Variants in KLF12 observed in about 807,000 individuals in gnomAD.
KLF12 encodes the protein Krueppel-like factor 12.
KLF12 carries 9 observed loss-of-function variants against 37.8 expected under a neutral mutation model. The ratio of observed to expected loss-of-function variants is 0.24; its 90% confidence interval spans 0.14 to 0.42. The LOEUF (loss-of-function observed/expected upper bound fraction) is 0.42, where lower values mean the gene tolerates loss of function less well. KLF12 is among the 10% of genes least tolerant of loss of function. The pLI is 1.00. For missense variants in KLF12, 411 were observed against 516.0 expected, an observed-to-expected ratio of 0.80 and a Z score of 1.97; for synonymous variants, 208 against 202.1, an observed-to-expected ratio of 1.03 and a Z score of -0.25.
chr13:74,120,168 A>G (rs1248634092), intron 1 of KLF12, among the ~76,000 whole-genome samples: 4 of 152,210 alleles, frequency 2.6e-5, no homozygotes, highest in Non-Finnish European at 5.9e-5. Flanking sequence ...TGTCATTCCC[A>G]GCAGATTGCA....
intron 5 of KLF12, among the ~76,000 whole-genome samples, chr13:73,787,979 C>T (rs1238700018): frequency 6.6e-6 from 1 of 151,964 alleles, no homozygotes; most frequent in Admixed American, 6.6e-5. Flanking sequence ...TTGTAATAGA[C>T]TGTATTTAAT....
At chr13:73,845,590 C>G (rs1884969164) in intron 4 of KLF12, among the ~76,000 whole-genome samples, 1 of 152,154 alleles carries the variant, frequency 6.6e-6, no homozygotes, top group Non-Finnish European at 1.5e-5. Flanking sequence ...TCTAACATTA[C>G]GTGACCTATG....
At chr13:74,133,312 C>G (rs548284177) in intron 1 of KLF12, among the ~76,000 whole-genome samples, 2 of 152,024 alleles carry the variant, frequency 1.3e-5, no homozygotes, top group African/African-American at 2.4e-5. Flanking sequence ...ACTACTTCCA[C>G]GAGCCCCCCC....
At chr13:73,870,490 T>C (rs918593368) in intron 3 of KLF12, among the ~76,000 whole-genome samples, 2 of 152,208 alleles carry the variant, frequency 1.3e-5, no homozygotes, top group Non-Finnish European at 2.9e-5. Flanking sequence ...TATTCTGACA[T>C]AGAGATAAAA....
intron 5 of KLF12, among the ~76,000 whole-genome samples, chr13:73,806,508 T>G (rs1882636620): frequency 6.6e-6 from 1 of 151,978 alleles, no homozygotes; most frequent in Non-Finnish European, 1.5e-5. Context: ...GAAATACAGG[T>G]GTGCACCACA....
intron 2 of KLF12, among the ~76,000 whole-genome samples, chr13:73,980,976 G>A (rs541768569): frequency 4.6e-5 from 7 of 151,990 alleles, no homozygotes; most frequent in African/African-American, 1.5e-4. Flanking sequence ...CCTGGGCAAC[G>A]TGGCAAAACC....
the KLF12 span, among the ~76,000 whole-genome samples, chr13:74,213,385 G>A: frequency 6.6e-6 from 1 of 152,028 alleles, no homozygotes; most frequent in Admixed American, 6.6e-5. Flanking sequence ...ACTTCAGGAA[G>A]CTCTTTTTTA....
rs534781041 is a variant in KLF12 at position 73,859,900 on chromosome 13, ATGTAAT to A, written c.124-13533_124-13528del. Reference sequence around the variant, plus strand: ...AAGCAGAAAAATCAGCTCACCACAAATGTAATTTCTTTTCTTCCTTTCCTTTCAAGC... The same window carrying A: ...AAGCAGAAAAATCAGCTCACCACAAATTCTTTTCTTCCTTTCCTTTCAAGC... On this transcript the variant is annotated intron_variant, in intron 3 of 7. Coordinates refer to ENST00000377669, the MANE Select transcript of KLF12 (RefSeq NM_007249.5). Among the ~76,000 whole-genome samples the A allele has an allele frequency of 2.9e-3, 442 of 152,224 alleles. 3 individuals are homozygous for A. Among genetic ancestry groups the A allele is most frequent in the African/African-American group, 0.01 (424 of 41,542 alleles).
upstream of KLF12, among the ~76,000 whole-genome samples, chr13:74,138,929 T>C (rs1051389021): frequency 5.9e-5 from 9 of 152,224 alleles, no homozygotes; most frequent in Non-Finnish European, 1.3e-4. Context: ...CTGTCTTCTC[T>C]GGAATCCTCT....
At chr13:74,237,267 T>C in the KLF12 span, among the ~76,000 whole-genome samples, 52,627 of 127,574 alleles carry the variant, frequency 0.41, 11,470 homozygotes, top group East Asian at 0.69. Flanking sequence ...TGCGGCGTTA[T>C]TTCTGAGGGC....
intron 3 of KLF12, among the ~76,000 whole-genome samples, chr13:73,935,406 GT>G (rs929518553): frequency 3.7e-4 from 57 of 152,090 alleles, no homozygotes; most frequent in Non-Finnish European, 6.0e-4. Flanking sequence ...TGGTTTGGAA[GT>G]TTTTTTCCCC....
Position 73,911,337 on chromosome 13 carries a change from G to T in KLF12, c.123+32644C>A, listed in dbSNP as rs532417126. Among the ~76,000 whole-genome samples the T allele has an allele frequency of 6.6e-5, 10 of 152,226 alleles. No homozygotes were observed. The South Asian group carries it at 2.1e-3, about 32-fold the overall frequency. ...TGAAAATATTTATTCAAATTTCATGGCTATTAAAATTAAAAAGTTTCATTA... is the reference window on the plus strand; with the variant it reads ...TGAAAATATTTATTCAAATTTCATGTCTATTAAAATTAAAAAGTTTCATTA... On this transcript the variant is annotated intron_variant, in intron 3 of 7. Coordinates refer to ENST00000377669, the MANE Select transcript of KLF12 (RefSeq NM_007249.5).
the KLF12 span, among the ~76,000 whole-genome samples, chr13:74,241,612 C>T: frequency 3.9e-5 from 6 of 152,188 alleles, no homozygotes; most frequent in African/African-American, 9.7e-5. Flanking sequence ...ACTCCGTGGG[C>T]GTAGGACCCT....
At chr13:74,068,905 C>G (rs1874069938) in intron 1 of KLF12, among the ~76,000 whole-genome samples, 1 of 152,184 alleles carries the variant, frequency 6.6e-6, no homozygotes, top group South Asian at 2.1e-4. Flanking sequence ...TTATACTCCT[C>G]TATCTTTTAA....
intron 1 of KLF12, among the ~76,000 whole-genome samples, chr13:74,035,412 C>A (rs1382075223): frequency 6.6e-6 from 1 of 152,172 alleles, no homozygotes; most frequent in Non-Finnish European, 1.5e-5. Context: ...GTTATCTGCA[C>A]CACTGCAAGA....
At chr13:74,079,702 T>C (rs1182464023) in intron 1 of KLF12, among the ~76,000 whole-genome samples, 1 of 152,144 alleles carries the variant, frequency 6.6e-6, no homozygotes, top group Non-Finnish European at 1.5e-5. Context: ...CTCACACCTA[T>C]TAGGATGGCT....
chr13:73,704,480 T>C (rs1475160679), intron 7 of KLF12, among the ~76,000 whole-genome samples: 1 of 152,184 alleles, frequency 6.6e-6, no homozygotes, highest in Non-Finnish European at 1.5e-5. Flanking sequence ...GATAATTACA[T>C]CTGCCAGTTC....
At chr13:74,114,922 G>A (rs1877199374) in intron 1 of KLF12, among the ~76,000 whole-genome samples, 1 of 152,142 alleles carries the variant, frequency 6.6e-6, no homozygotes, top group South Asian at 2.1e-4. Context: ...AACCCCCGGG[G>A]CCATGGACCA....
At chr13:73,864,987 C>T (rs539048755) in intron 3 of KLF12, among the ~76,000 whole-genome samples, 2 of 151,980 alleles carry the variant, frequency 1.3e-5, no homozygotes, top group Admixed American at 6.6e-5. Context: ...GGAAGTCTGA[C>T]AGAAAATATA....
Sources: allele counts gnomAD v4.1 joint callset (sites outside exome capture counted in the v4.1 genomes callset), GRCh38; gene constraint gnomAD v4.1.1; transcripts MANE v1.5; gene names NCBI Gene and HGNC (gene_info 2026-07-23, HGNC 2026-07-21).